The following PHRF1 variants were observed in gnomAD, a reference collection of about 807,000 sequenced individuals.
PHRF1 encodes the protein PHD and RING finger domain-containing protein 1.
Under a neutral mutation model 128.9 loss-of-function variants are expected in PHRF1, and 53 were observed. That is an observed-to-expected ratio of 0.41 (90% CI 0.33 to 0.52). The LOEUF (loss-of-function observed/expected upper bound fraction) is 0.52. Among genes scored for constraint, PHRF1 ranks in the 20% least tolerant of loss-of-function variants. The pLI, the probability that PHRF1 is intolerant of heterozygous loss-of-function variation, is 0.21. For missense variants in PHRF1, 2,503 were observed against 2,284.5 expected (o/e 1.10, Z -1.95); for synonymous variants, 1,178 against 980.6 (o/e 1.20, Z -3.76).
intron 5 of PHRF1, among the ~76,000 whole-genome samples, chr11:591,899 A>T (rs1351042043): frequency 6.9e-6 from 1 of 145,706 alleles, no homozygotes; most frequent in East Asian, 2.0e-4. Context: ...GGCATGAGCT[A>T]CCACACCCGG....
rs757683497 is a variant in PHRF1 at position 608,097 on chromosome 11, T to A, written c.2641T>A (p.Ser881Thr). The change falls in exon 14 of 18, where the codon TCC (serine) becomes ACC (threonine). Residue 881 changes from serine to threonine, a missense_variant. By Grantham distance (58) the Ser-to-Thr change is moderately conservative. Coordinates refer to ENST00000264555, the MANE Select transcript of PHRF1 (RefSeq NM_001286581.2). ...GGTGCAGGCTGTGCGCTGCGTCACC[T>A]CCTACACGGTGGAGAGCATCTTTGG... ...QTVQAVRCVT[S>T]YTVESIFGTE... 5.0e-6 allele frequency: 8 copies of A among 1,611,534 alleles called. No individual in the cohort carries two copies. Among genetic ancestry groups the A allele is most frequent in the South Asian group, 2.2e-5 (2 of 91,074 alleles).
At chr11:604,045 GTTTA>G (rs1482083412) in intron 10 of PHRF1, among the ~76,000 whole-genome samples, 1 of 152,170 alleles carries the variant, frequency 6.6e-6, no homozygotes, top group African/African-American at 2.4e-5. Context: ...CATCCGATCT[GTTTA>G]TTCATTCAGA....
intron 4 of PHRF1, among the ~76,000 whole-genome samples, chr11:589,134 CAAAA>C (rs1226095605): frequency 8.0e-6 from 1 of 125,028 alleles, no homozygotes; most frequent in Admixed American, 8.2e-5. Context: ...GACACTGTCT[CAAAA>C]AAAAAAAAAG....
intron 4 of PHRF1, among the ~76,000 whole-genome samples, chr11:590,033 G>A (rs1320928515): frequency 1.3e-5 from 2 of 150,790 alleles, no homozygotes; most frequent in Admixed American, 6.6e-5. Context: ...CGGGCATGGA[G>A]CGTGCGGGGC....
intron 13 of PHRF1, 113 bp downstream of exon 13, chr11:606,709 A>T (rs948258111): frequency 7.2e-6 from 10 of 1,384,936 alleles, no homozygotes; most frequent in Non-Finnish European, 8.6e-6. Flanking sequence ...AGTTGGGGGG[A>T]CCATTCCTCA....
rs1180748800 is a variant in PHRF1, at chr11:611,006, C to T, written c.4730C>T (p.Ala1577Val). The T allele has an allele frequency of 1.2e-6, 2 of 1,613,446 alleles. No individual in the cohort carries two copies. Among genetic ancestry groups the T allele is most frequent in the South Asian group, 1.1e-5 (1 of 91,072 alleles). The change falls in exon 17 of 18, where the codon GCC becomes GTC. Residue 1577 changes from alanine to valine, a missense_variant. Ala to Val is a moderately conservative substitution (Grantham distance 64). Coordinates refer to ENST00000264555, the MANE Select transcript of PHRF1 (RefSeq NM_001286581.2). Reference sequence around the variant, plus strand: ...CGTGCTGTGGAGGAGGTGAAGCTGGCCATCAAGCCCTTCTACCAGAAGAGG... The same window carrying T: ...CGTGCTGTGGAGGAGGTGAAGCTGGTCATCAAGCCCTTCTACCAGAAGAGG... ...QERAVEEVKL[A>V]IKPFYQKREV...
rs762991650 is a variant in PHRF1, at chr11:610,731, G to C, written c.4647G>C (p.Arg1549Ser). Residue 1549 changes from arginine to serine, a missense_variant, in exon 16 of 18, where the codon AGG (arginine) becomes AGC (serine). Physicochemically the swap from Arg to Ser is moderately radical, Grantham distance 110. Transcript: ENST00000264555. ...SNSEEKTPAPRLAAEKTKKEE... is the reference protein window; with the variant it reads ...SNSEEKTPAPSLAAEKTKKEE... ...CGGAGGAGAAGACCCCGGCCCCCAG[G>C]CTAGCTGCGGAGAAAACCAAGAAGG... The C allele has an allele frequency of 6.2e-7, 1 of 1,601,788 alleles. No homozygotes were observed. The highest frequency in any genetic ancestry group is 1.1e-5 in the South Asian group (1 of 91,080).
At position 596,942 on chromosome 11, in the gene PHRF1, G is replaced by T; in HGVS notation, c.640G>T (p.Asp214Tyr). The change falls in exon 7 of 18, where the codon GAC becomes TAC. Residue 214 changes from aspartate (D) to tyrosine (Y), a missense_variant. Coordinates refer to ENST00000264555, the MANE Select transcript of PHRF1 (RefSeq NM_001286581.2). ...CTGTAGGTACCACATGGAATGCTTG[G>T]ACCCCCCTCTCCAGGAGGTGCCGGT... ...CDAGYHMECL[D>Y]PPLQEVPVDE... 1 of 1,613,854 alleles carries T rather than the reference G, an allele frequency of 6.2e-7. No homozygotes were observed. The highest frequency in any genetic ancestry group is 1.1e-5 in the South Asian group (1 of 91,078).
chr11:606,209 C>T (rs537239626), intron 12 of PHRF1, among the ~76,000 whole-genome samples: 3 of 152,384 alleles, frequency 2.0e-5, no homozygotes, highest in Admixed American at 6.5e-5. Flanking sequence ...CTCCCAAAAA[C>T]GCCTGGTTTC....
At chr11:585,680 C>CTTTTTTTTT (rs1212904400) in intron 3 of PHRF1, among the ~76,000 whole-genome samples, 1 of 70,354 alleles carries the variant, frequency 1.4e-5, no homozygotes, top group African/African-American at 7.4e-5. Context: ...CTCTTCAACT[C>CTTTTTTTTT]TTTTTTTTTT....
intron 13 of PHRF1, 169 bp from the exon 14 acceptor site, chr11:606,897 C>G: frequency 8.7e-7 from 1 of 1,154,788 alleles, no homozygotes; most frequent in South Asian, 1.7e-5. Flanking sequence ...CACAGAGTGG[C>G]TGTTGAAGCA....
At chr11:600,486 C>T (rs1156941380) in intron 9 of PHRF1, among the ~76,000 whole-genome samples, 1 of 91,994 alleles carries the variant, frequency 1.1e-5, no homozygotes, top group Non-Finnish European at 2.1e-5. Flanking sequence ...GAGACTCTGT[C>T]TCCAAAAATA....
rs1297172866 is a variant in PHRF1 at position 608,107 on chromosome 11, T to G, written c.2651T>G (p.Val884Gly). The G allele has an allele frequency of 1.1e-5, 17 of 1,611,572 alleles. No homozygotes were observed. The highest frequency in any genetic ancestry group is 1.4e-5 in the Non-Finnish European group (17 of 1,179,852). ...GTGCGCTGCGTCACCTCCTACACGG[T>G]GGAGAGCATCTTTGGTACAGAGCCC... Reference protein sequence around the residue: ...QAVRCVTSYTVESIFGTEPEP... With the variant: ...QAVRCVTSYTGESIFGTEPEP... Residue 884 changes from valine to glycine, a missense_variant, in exon 14 of 18, where the codon GTG becomes GGG. By Grantham distance (109) the Val-to-Gly change is moderately radical (BLOSUM62 -3). Coordinates refer to ENST00000264555, the MANE Select transcript of PHRF1 (RefSeq NM_001286581.2).
chr11:593,970 A>G (rs1313287054), intron 6 of PHRF1, among the ~76,000 whole-genome samples: 1 of 152,154 alleles, frequency 6.6e-6, no homozygotes, highest in African/African-American at 2.4e-5. Context: ...CCCGGCAGGC[A>G]CTGAGTTGGT....
chr11:601,270 A>G (rs1420601736), intron 9 of PHRF1, among the ~76,000 whole-genome samples: 2 of 151,948 alleles, frequency 1.3e-5, no homozygotes, highest in Admixed American at 6.6e-5. Context: ...AGCCCTATCT[A>G]TAAAAAAAAT....
At position 608,035 on chromosome 11, in the gene PHRF1, C is replaced by T. The variant is rs1424965063; in HGVS notation, c.2579C>T (p.Thr860Ile). ...CCCGGCCTCCTGCCCTCTGAGATCA[C>T]ACGAACCATCTCCATCAACAGCCCG... Reference protein sequence around the residue: ...SGPGLLPSEITRTISINSPKA... With the variant: ...SGPGLLPSEIIRTISINSPKA... Residue 860 changes from threonine to isoleucine, a missense_variant, in exon 14 of 18, where the codon ACA becomes ATA. Thr to Ile is a moderately conservative substitution (Grantham distance 89). Coordinates refer to ENST00000264555, the MANE Select transcript of PHRF1 (RefSeq NM_001286581.2). The T allele has an allele frequency of 6.2e-7, 1 of 1,611,320 alleles. No homozygotes were observed. The highest frequency in any genetic ancestry group is 8.5e-7 in the Non-Finnish European group (1 of 1,179,864).
intron 9 of PHRF1, among the ~76,000 whole-genome samples, chr11:600,470 CAG>C (rs1394556883): frequency 1.5e-5 from 2 of 135,240 alleles, no homozygotes; most frequent in Non-Finnish European, 3.1e-5. Context: ...GCCTGGGTGA[CAG>C]AGTGAGACTC....
chr11:605,410 G>T, intron 11 of PHRF1, 110 bp downstream of exon 11: 1 of 1,493,726 alleles, frequency 6.7e-7, no homozygotes, highest in South Asian at 1.3e-5. Context: ...GTTTGAGAGT[G>T]AGGGTGGCCA....
In PHRF1 at chr11:598,652, G is replaced by T; in HGVS notation, c.1024+150G>T. The T allele has an allele frequency of 3.1e-6, 4 of 1,278,866 alleles. No individual in the cohort carries two copies. The East Asian group carries it at 1.0e-4, about 33-fold the overall frequency. 79.2% of individuals were successfully genotyped at this position (1,278,866 alleles called of 1,614,324 possible). A position where few individuals can be genotyped will look rare whatever the true frequency, so the allele number is the denominator to read the frequency against. On this transcript the variant is annotated intron_variant, in intron 9 of 17. Transcript: ENST00000264555. ...GCTGAAAACACTACACAGAAGCCGC[G>T]CCGGGCCCGGGAGGTGTGGGTCTGA...
Sources: gnomAD v4.1 joint callset for allele counts (sites outside exome capture counted in the v4.1 genomes callset) on GRCh38, gnomAD v4.1.1 for gene constraint, MANE v1.5 for transcripts, NCBI Gene and HGNC (gene_info 2026-07-23, HGNC 2026-07-21) for gene names.